FAN1: variants seen among roughly 807,000 people sequenced by gnomAD.
FAN1 encodes fanconi-associated nuclease 1.
A neutral mutation model predicts 104.9 loss-of-function variants in FAN1; 91 were observed. That is an observed-to-expected ratio of 0.87 (90% confidence interval 0.73 to 1.03). FAN1 has a LOEUF of 1.03. Among genes scored for constraint, FAN1 ranks in the 50% least tolerant of loss-of-function variants. The pLI, the probability that FAN1 is intolerant of heterozygous loss-of-function variation, is 0.00. For missense variants in FAN1, 1,263 were observed against 1,239.9 expected, an observed-to-expected ratio of 1.02 and a Z score of -0.28; for synonymous variants, 478 against 457.6, an observed-to-expected ratio of 1.04 and a Z score of -0.57.
At chr15:30,914,605 A>G (rs575863549) in intron 5 of FAN1, among the ~76,000 whole-genome samples, 3 of 152,268 alleles carry the variant, frequency 2.0e-5, no homozygotes, top group South Asian at 2.1e-4. Flanking sequence ...GACTCAAGCA[A>G]TCCGCCCACC....
intron 4 of FAN1, among the ~76,000 whole-genome samples, chr15:30,912,650 C>T (rs2062122917): frequency 1.3e-5 from 2 of 152,302 alleles, no homozygotes; most frequent in Admixed American, 6.5e-5. Flanking sequence ...TTAATAGCTT[C>T]TGCACCAGAA....
intron 5 of FAN1, 79 bp downstream of exon 5, chr15:30,914,170 C>A: frequency 2.8e-6 from 3 of 1,088,350 alleles, no homozygotes; most frequent in Non-Finnish European, 4.0e-6. Flanking sequence ...TTTTTTCCAG[C>A]CAAAGTAGAA....
intron 8 of FAN1, among the ~76,000 whole-genome samples, chr15:30,924,556 T>C (rs767207018): frequency 5.9e-5 from 9 of 152,240 alleles, no homozygotes; most frequent in Admixed American, 2.6e-4. Context: ...TGTGGCTTTC[T>C]GTGTTTGTTT....
intron 1 of FAN1, among the ~76,000 whole-genome samples, 154 bp from the exon 2 acceptor site, chr15:30,904,358 G>C (rs1412918693): frequency 6.6e-6 from 1 of 152,142 alleles, no homozygotes; most frequent in Non-Finnish European, 1.5e-5. Context: ...CTAAGATCGC[G>C]TACAGAGCTT....
chr15:30,939,302 A>G, intron 14 of FAN1: 1 of 985,496 alleles, frequency 1.0e-6, no homozygotes, highest in Non-Finnish European at 1.2e-6. Flanking sequence ...GTGCATCAGC[A>G]TCTGTGCGGC....
At chr15:30,914,225 C>G in intron 5 of FAN1, 134 bp downstream of exon 5, 1 of 643,064 alleles carries the variant, frequency 1.6e-6, no homozygotes, top group Non-Finnish European at 2.7e-6. Flanking sequence ...TTTTTTGCCC[C>G]ACTTGTATAC....
chr15:30,925,340 T>G, intron 9 of FAN1, 49 bp downstream of exon 9: 1 of 1,538,026 alleles, frequency 6.5e-7, no homozygotes, highest in Non-Finnish European at 8.9e-7. Context: ...GTGTACCTGG[T>G]TTTTTTGGAC....
Position 30,922,359 on chromosome 15 carries a change from T to G in FAN1, c.2172+5T>G. ...CACTTGAAGCGCCTGGAACCGGTACTCAGTAACAAAACATATCTGAAACAC... is the reference window on the plus strand; with the variant it reads ...CACTTGAAGCGCCTGGAACCGGTACGCAGTAACAAAACATATCTGAAACAC... On this transcript the variant is annotated splice_donor_5th_base_variant and intron_variant, in intron 8 of 14. Transcript: ENST00000362065. 1 of 1,595,132 alleles carries G rather than the reference T, an allele frequency of 6.3e-7. No individual in the cohort carries two copies. Among genetic ancestry groups the G allele is most frequent in the Non-Finnish European group, 8.5e-7 (1 of 1,175,470 alleles).
intron 13 of FAN1, 37 bp downstream of exon 13, chr15:30,930,708 C>CT (rs781679624): frequency 6.2e-7 from 1 of 1,607,294 alleles, no homozygotes; most frequent in South Asian, 1.1e-5. Flanking sequence ...TGTTGGTAAC[C>CT]TTATTAGCAA....
intron 13 of FAN1, among the ~76,000 whole-genome samples, chr15:30,935,986 T>C (rs1026399008): frequency 4.6e-5 from 7 of 152,194 alleles, no homozygotes; most frequent in Admixed American, 4.6e-4. Flanking sequence ...TTTCATCAAA[T>C]TTGGAAAATT....
At chr15:30,926,653 CAGAG>C (rs146955283) in intron 10 of FAN1, 6 of 985,184 alleles carry the variant, frequency 6.1e-6, no homozygotes, top group African/African-American at 1.7e-5. Flanking sequence ...CCAGTGAAGA[CAGAG>C]AGATACAGTA....
rs767828764 is a variant in FAN1 at position 30,922,258 on chromosome 15, C to A, written c.2076C>A (p.Ser692Arg). 1 of 1,612,156 alleles carries A rather than the reference C, an allele frequency of 6.2e-7. No individual in the cohort carries two copies. The highest frequency in any genetic ancestry group is 8.5e-7 in the Non-Finnish European group (1 of 1,179,596). Reference protein sequence around the residue: ...MYEEAVRELESLLSQRIYCPD... With the variant: ...MYEEAVRELERLLSQRIYCPD... ...AGGAAGCCGTCAGAGAACTTGAAAG[C>A]CTTTTGTCTCAGAGAATTTATTGTC... The change falls in exon 8 of 15, where the codon AGC becomes AGA. Residue 692 changes from serine to arginine, a missense_variant. Ser to Arg is a moderately radical substitution (Grantham distance 110, BLOSUM62 -1). Coordinates refer to ENST00000362065, the MANE Select transcript of FAN1 (RefSeq NM_014967.5).
At chr15:30,916,839 G>A (rs767705885) in intron 5 of FAN1, among the ~76,000 whole-genome samples, 62 of 152,322 alleles carry the variant, frequency 4.1e-4, no homozygotes, top group Non-Finnish European at 7.4e-4. Flanking sequence ...GAGAAGTGCT[G>A]TGATAATTGA....
chr15:30,915,016 G>GAATA (rs151216753), intron 5 of FAN1, among the ~76,000 whole-genome samples: 4,292 of 152,264 alleles, frequency 0.028, 132 homozygotes, highest in East Asian at 0.11. Context: ...CATGTCTATT[G>GAATA]CAGTCTATTC....
intron 10 of FAN1, chr15:30,927,994 C>A (rs1051746907): frequency 4.1e-6 from 4 of 985,830 alleles, no homozygotes; most frequent in African/African-American, 1.7e-5. Context: ...TCTGTAAAAG[C>A]CTTGACTATC....
At chr15:30,921,658 T>G (rs1171303094) in intron 7 of FAN1, among the ~76,000 whole-genome samples, 1 of 152,154 alleles carries the variant, frequency 6.6e-6, no homozygotes, top group Non-Finnish European at 1.5e-5. Context: ...CTTGCATGTG[T>G]ATGGGGATTT....
In FAN1 at chr15:30,941,639, C is replaced by T; in HGVS notation, c.*77C>T. The T allele has an allele frequency of 6.2e-7, 1 of 1,608,630 alleles. No individual in the cohort carries two copies. The highest frequency in any genetic ancestry group is 8.5e-7 in the Non-Finnish European group (1 of 1,177,430). ...CCCCGAGGTGTCGGTGTGGTGAGGG[C>T]CGCTGGCGTTGAAGTACATCCTGCT... is the stretch of plus-strand genomic sequence containing the variant. On this transcript the variant is annotated 3_prime_UTR_variant, in exon 15 of 15. Transcript: ENST00000362065.
Position 30,929,288 on chromosome 15 carries a change from C to G in FAN1, c.2678C>G (p.Ala893Gly). ...LEARLQLIHD[A>G]PEESLRAWVA... ...GCCAGGCTGCAGCTGATTCATGATG[C>G]CCCCGAGGAGAGCCTGCGGGCCTGG... The change falls in exon 12 of 15, where the codon GCC (alanine) becomes GGC (glycine). Residue 893 changes from alanine to glycine, a missense_variant. Physicochemically the swap from Ala to Gly is moderately conservative, Grantham distance 60. Coordinates refer to ENST00000362065, the MANE Select transcript of FAN1 (RefSeq NM_014967.5). 1 of 1,613,158 alleles carries G rather than the reference C, an allele frequency of 6.2e-7. No homozygotes were observed. The highest frequency in any genetic ancestry group is 8.5e-7 in the Non-Finnish European group (1 of 1,179,634).
At chr15:30,928,370 C>A (rs1045447351) in intron 10 of FAN1, 183 bp from the exon 11 acceptor site, 2 of 1,419,948 alleles carry the variant, frequency 1.4e-6, no homozygotes, top group African/African-American at 2.9e-5. Context: ...ATATAAACAA[C>A]ATACTGTATA....
Sources: gnomAD v4.1 joint callset for allele counts (sites outside exome capture counted in the v4.1 genomes callset) on GRCh38, gnomAD v4.1.1 for gene constraint, MANE v1.5 for transcripts, NCBI Gene and HGNC (gene_info 2026-07-23, HGNC 2026-07-21) for gene names.